The following CHN2 variants were observed in gnomAD, a reference collection of about 807,000 sequenced individuals.
CHN2 encodes the protein beta-chimaerin.
In CHN2, 35 loss-of-function variants were observed where a neutral mutation model predicts 56.3. That is an observed-to-expected ratio of 0.62 (90% CI 0.47 to 0.82). The LOEUF is 0.82. Among genes scored for constraint, CHN2 ranks in the 40% least tolerant of loss-of-function variants. CHN2 has a pLI of 0.00. For synonymous variants in CHN2, 210 were observed against 212.8 expected (o/e 0.99, Z 0.12); for missense variants, 491 against 580.5 (o/e 0.85, Z 1.58).
chr7:29,366,604 CCTT>C (rs1799182498), intron 2 of CHN2, among the ~76,000 whole-genome samples: 1 of 152,128 alleles, frequency 6.6e-6, no homozygotes, highest in Non-Finnish European at 1.5e-5. Context: ...TGTGTAGAAG[CCTT>C]CTTTTTATCT....
intron 5 of CHN2, among the ~76,000 whole-genome samples, chr7:29,398,809 C>T (rs1483632625): frequency 1.3e-5 from 2 of 150,410 alleles, no homozygotes; most frequent in Non-Finnish European, 2.9e-5. Context: ...ACCATGTTGC[C>T]CGGGCTGGTC....
intron 6 of CHN2, among the ~76,000 whole-genome samples, chr7:29,457,041 A>G (rs542107903): frequency 2.0e-5 from 3 of 152,194 alleles, no homozygotes; most frequent in Admixed American, 6.5e-5. Context: ...CTTATTAAGG[A>G]TGCACCTCCT....
chr7:29,318,991 C>T (rs189674152), intron 1 of CHN2, among the ~76,000 whole-genome samples: 310 of 152,286 alleles, frequency 2.0e-3, no homozygotes, highest in Non-Finnish European at 2.6e-3. Context: ...TAGTGCACAC[C>T]GCAAGCTGAC....
At chr7:29,161,266 C>CT (rs1795142734) in intron 2 of CHN2, among the ~76,000 whole-genome samples, 3 of 152,136 alleles carry the variant, frequency 2.0e-5, no homozygotes, top group African/African-American at 7.2e-5. Flanking sequence ...CATGGTTACT[C>CT]TTTTTCCAGT....
intron 6 of CHN2, among the ~76,000 whole-genome samples, chr7:29,434,351 T>C (rs1481675961): frequency 6.6e-6 from 1 of 152,010 alleles, no homozygotes; most frequent in African/African-American, 2.4e-5. Context: ...GCAGATACCA[T>C]GAACTGCATG....
At chr7:29,441,796 A>G (rs1783669378) in intron 6 of CHN2, among the ~76,000 whole-genome samples, 1 of 152,156 alleles carries the variant, frequency 6.6e-6, no homozygotes, top group South Asian at 2.1e-4. Flanking sequence ...ATTGGTGAGG[A>G]TGTGGAGAAA....
At chr7:29,504,164 A>G (rs946930524) in intron 9 of CHN2, among the ~76,000 whole-genome samples, 10 of 152,192 alleles carry the variant, frequency 6.6e-5, no homozygotes, top group African/African-American at 2.4e-4. Context: ...TTCCAATACA[A>G]TCAGAGTAAT....
At chr7:29,280,110 G>C (rs1260664133) in intron 1 of CHN2, among the ~76,000 whole-genome samples, 1 of 152,166 alleles carries the variant, frequency 6.6e-6, no homozygotes, top group East Asian at 1.9e-4. Flanking sequence ...GAGGCCATGC[G>C]CGGTGGCTCA....
intron 6 of CHN2, among the ~76,000 whole-genome samples, chr7:29,417,333 CTTT>C (rs5883209): frequency 2.7e-4 from 33 of 121,118 alleles, no homozygotes; most frequent in Non-Finnish European, 3.4e-4. Flanking sequence ...TACTGTAACC[CTTT>C]TTTTTTTTTT....
At chr7:29,250,752 C>A (rs948891550) in intron 1 of CHN2, among the ~76,000 whole-genome samples, 1 of 151,018 alleles carries the variant, frequency 6.6e-6, no homozygotes, top group Non-Finnish European at 1.5e-5. Context: ...CCTCTGTCAC[C>A]CAGGCTGGAG....
chr7:29,210,394 CCCAG>C (rs1237346507), intron 1 of CHN2, among the ~76,000 whole-genome samples: 3 of 151,886 alleles, frequency 2.0e-5, no homozygotes, highest in African/African-American at 7.3e-5. Flanking sequence ...CACTATGAAA[CCCAG>C]CACGTACACA....
At chr7:29,279,841 A>C (rs1342917176) in intron 1 of CHN2, among the ~76,000 whole-genome samples, 1 of 152,224 alleles carries the variant, frequency 6.6e-6, no homozygotes, top group Non-Finnish European at 1.5e-5. Context: ...GAAAGATCTT[A>C]AGTAAAAGAG....
chr7:29,212,342 C>T (rs1332259352), intron 1 of CHN2: 20 of 1,492,082 alleles, frequency 1.3e-5, no homozygotes, highest in Admixed American at 8.4e-5. Context: ...TGCCTTGCTT[C>T]GAAGCATCCG....
intron 1 of CHN2, among the ~76,000 whole-genome samples, chr7:29,283,558 G>C (rs878943273): frequency 6.6e-6 from 1 of 152,144 alleles, no homozygotes; most frequent in African/African-American, 2.4e-5. Context: ...TTAATCAAAA[G>C]GGAGACGTCC....
At chr7:29,359,093 C>T (rs1464213460) in intron 2 of CHN2, among the ~76,000 whole-genome samples, 4 of 152,122 alleles carry the variant, frequency 2.6e-5, no homozygotes, top group African/African-American at 9.7e-5. Context: ...AACAAAGTCT[C>T]GGAATTGAGT....
intron 2 of CHN2, among the ~76,000 whole-genome samples, chr7:29,360,346 ACC>A (rs994235914): frequency 2.0e-4 from 31 of 151,814 alleles, no homozygotes; most frequent in African/African-American, 7.5e-4. Flanking sequence ...ATATGGAGAA[ACC>A]CCATCTCTAC....
intron 1 of CHN2, among the ~76,000 whole-genome samples, chr7:29,333,795 G>A (rs1312123053): frequency 6.6e-6 from 1 of 152,182 alleles, no homozygotes; most frequent in African/African-American, 2.4e-5. Flanking sequence ...GCTGCCGGAA[G>A]CAGTATCTTT....
chr7:29,412,334 TTTTTTTTTTTTTTTG>T (rs1369658579), intron 6 of CHN2, among the ~76,000 whole-genome samples: 50 of 114,268 alleles, frequency 4.4e-4, no homozygotes, highest in East Asian at 3.2e-3. Context: ...TTTTTTTTTT[TTTTTTTTTTTTTTTG>T]GGAGACGGAG....
At chr7:29,359,673 A>G (rs983807829) in intron 2 of CHN2, among the ~76,000 whole-genome samples, 2 of 152,356 alleles carry the variant, frequency 1.3e-5, no homozygotes, top group African/African-American at 4.8e-5. Flanking sequence ...TACAAGAAAC[A>G]TTGATGACGT....
Sources: gnomAD v4.1 joint callset for allele counts (sites outside exome capture counted in the v4.1 genomes callset) on GRCh38, gnomAD v4.1.1 for gene constraint, MANE v1.5 for transcripts, NCBI Gene and HGNC (gene_info 2026-07-23, HGNC 2026-07-21) for gene names.